The following SLX9 variants were observed in gnomAD, a reference collection of about 807,000 sequenced individuals.
The protein encoded by SLX9 is ribosome biogenesis protein SLX9 homolog.
In SLX9, 19 loss-of-function variants were observed where a neutral mutation model predicts 20.8. The observed-to-expected ratio is 0.91, with a 90% CI of 0.64 to 1.34. The LOEUF is 1.34. Ranked by LOEUF, SLX9 falls within the 40% of genes most tolerant of loss-of-function variation. The probability of loss-of-function intolerance (pLI) is 0.00; values close to 1 mark genes in which losing one functional copy is unlikely to be tolerated. For missense variants in SLX9, 299 were observed against 322.2 expected, an observed-to-expected ratio of 0.93 and a Z score of 0.55; for synonymous variants, 113 against 137.1, an observed-to-expected ratio of 0.82 and a Z score of 1.23.
At chr21:44,971,523 T>G (rs1157325932) in intron 4 of SLX9, among the ~76,000 whole-genome samples, 1 of 152,108 alleles carries the variant, frequency 6.6e-6, no homozygotes, top group Non-Finnish European at 1.5e-5. Flanking sequence ...CTCCTCTGCT[T>G]TGGGACCTTG....
chr21:44,940,656 A>C (rs1156231766), intron 1 of SLX9, among the ~76,000 whole-genome samples: 3 of 144,922 alleles, frequency 2.1e-5, no homozygotes, highest in African/African-American at 7.9e-5. Flanking sequence ...ATGTGAGTGG[A>C]ATTATTGCTT....
chr21:44,973,696 G>T (rs1239462512), intron 5 of SLX9, among the ~76,000 whole-genome samples: 1 of 149,396 alleles, frequency 6.7e-6, no homozygotes, highest in Admixed American at 6.6e-5. Flanking sequence ...GCTCCTGTGT[G>T]CCCCCACCCC....
At chr21:44,971,732 G>T (rs1462671184) in intron 4 of SLX9, among the ~76,000 whole-genome samples, 1 of 152,194 alleles carries the variant, frequency 6.6e-6, no homozygotes, top group Non-Finnish European at 1.5e-5. Context: ...TGCAAGGATG[G>T]GGACCGGGGA....
intron 3 of SLX9, 77 bp from the exon 4 acceptor site, chr21:44,966,957 C>CT: frequency 1.3e-6 from 2 of 1,542,840 alleles, no homozygotes; most frequent in Non-Finnish European, 1.8e-6. Context: ...TGCCAGGTCT[C>CT]TCGTGGGCCA....
intron 2 of SLX9, 149 bp downstream of exon 2, chr21:44,943,986 T>C: frequency 8.8e-7 from 1 of 1,138,566 alleles, no homozygotes; most frequent in Non-Finnish European, 1.2e-6. Flanking sequence ...CTTGGGGCGA[T>C]TCCCCAGAGT....
chr21:44,963,570 A>G (rs1278249543), intron 3 of SLX9, among the ~76,000 whole-genome samples: 1 of 150,290 alleles, frequency 6.7e-6, no homozygotes, highest in African/African-American at 2.4e-5. Flanking sequence ...TTTTTTTTCT[A>G]TCTTGAATTG....
chr21:44,971,809 A>AG (rs1173898250), intron 4 of SLX9, among the ~76,000 whole-genome samples: 6 of 151,936 alleles, frequency 3.9e-5, no homozygotes, highest in Non-Finnish European at 5.9e-5. Context: ...TCGGCTGGCC[A>AG]GGGGGGCAGA....
intron 3 of SLX9, among the ~76,000 whole-genome samples, chr21:44,963,876 G>A (rs886852056): frequency 6.6e-6 from 1 of 152,164 alleles, no homozygotes; most frequent in African/African-American, 2.4e-5. Context: ...TCTTGAGGTT[G>A]TTTTGGATAT....
At position 44,973,263 on chromosome 21, in the gene SLX9, T is replaced by G; in HGVS notation, c.567T>G (p.Leu189=). Reference sequence around the variant, plus strand: ...TGAGCGCAGCCCAGAGACAGCAGCTTCTGTGAGTGCACCTGCCCACCTCCT... The same window carrying G: ...TGAGCGCAGCCCAGAGACAGCAGCTGCTGTGAGTGCACCTGCCCACCTCCT... ...SRMSAAQRQQ[L]LEEERTRFQE... The change falls in exon 5 of 6, where the codon CTT becomes CTG. Residue 189 remains leucine, a splice_region_variant and synonymous_variant. Transcript: ENST00000291634. The G allele has an allele frequency of 6.2e-7, 1 of 1,612,080 alleles. No homozygotes were observed. The highest frequency in any genetic ancestry group is 8.5e-7 in the Non-Finnish European group (1 of 1,179,700).
chr21:44,969,661 C>G lies in SLX9; in HGVS notation c.500+2480C>G, dbSNP rs115390671. ...CAAGAGCTCCATGCAGCTCCCCCGTCCCCGCATGCTGTTGCTCTGACATGA... is the reference window on the plus strand; with the variant it reads ...CAAGAGCTCCATGCAGCTCCCCCGTGCCCGCATGCTGTTGCTCTGACATGA... On this transcript the variant is annotated intron_variant, in intron 4 of 5. Coordinates refer to ENST00000291634, the MANE Select transcript of SLX9 (RefSeq NM_058190.4). Among the ~76,000 whole-genome samples the G allele has an allele frequency of 7.9e-3, 1,211 of 152,336 alleles. 21 individuals are homozygous for G. Among genetic ancestry groups the G allele is most frequent in the African/African-American group, 0.028 (1,157 of 41,560 alleles).
In SLX9 at chr21:44,950,645, G is replaced by A. The variant is rs187424133; in HGVS notation, c.283+6808G>A. 6.8e-4 allele frequency among the ~76,000 whole-genome samples: 103 copies of A among 152,364 alleles called. 2 individuals carry two copies. The East Asian group carries it at 0.018, about 26-fold the overall frequency. ...GGCCTATGCCAGTCCGGCTGGGAGC[G>A]TGGCCCTGTTGGTGGCGCTTCTCAG... is the stretch of plus-strand genomic sequence containing the variant. On this transcript the variant is annotated intron_variant, in intron 2 of 5. Coordinates refer to ENST00000291634, the MANE Select transcript of SLX9 (RefSeq NM_058190.4).
chr21:44,972,134 T>C (rs1376350331), intron 4 of SLX9, among the ~76,000 whole-genome samples: 2 of 152,116 alleles, frequency 1.3e-5, no homozygotes, highest in Non-Finnish European at 2.9e-5. Flanking sequence ...AGTGTAGGGC[T>C]GGTCTGAGGA....
At chr21:44,948,084 T>G (rs1189112461) in intron 2 of SLX9, among the ~76,000 whole-genome samples, 1 of 152,222 alleles carries the variant, frequency 6.6e-6, no homozygotes, top group Non-Finnish European at 1.5e-5. Context: ...GCCGGCCGGG[T>G]GTCCAGTGGT....
intron 3 of SLX9, among the ~76,000 whole-genome samples, chr21:44,965,102 CTA>C (rs1241827546): frequency 6.6e-6 from 1 of 152,214 alleles, no homozygotes; most frequent in Non-Finnish European, 1.5e-5. Flanking sequence ...AATGTTTTTA[CTA>C]TTCTTATGCA....
chr21:44,973,113 A>G, intron 4 of SLX9, 84 bp from the exon 5 acceptor site: 1 of 1,501,154 alleles, frequency 6.7e-7, no homozygotes, highest in Non-Finnish European at 9.2e-7. Flanking sequence ...GTCTGCTCTA[A>G]GAAGGGAGGA....
intron 3 of SLX9, 97 bp from the exon 4 acceptor site, chr21:44,966,937 C>T (rs1367191152): frequency 6.8e-7 from 1 of 1,480,960 alleles, no homozygotes; most frequent in Admixed American, 2.0e-5. Context: ...GGCAGCAGGG[C>T]CGGGCACCCT....
intron 2 of SLX9, among the ~76,000 whole-genome samples, chr21:44,957,623 C>G (rs2146644236): frequency 6.6e-6 from 1 of 152,384 alleles, no homozygotes; most frequent in Non-Finnish European, 1.5e-5. Context: ...GGCTTGTTCA[C>G]TGCCAGTAGC....
At chr21:44,941,982 G>C (rs2084558925) in intron 1 of SLX9, among the ~76,000 whole-genome samples, 1 of 152,246 alleles carries the variant, frequency 6.6e-6, no homozygotes, top group Non-Finnish European at 1.5e-5. Context: ...CAGGACACCA[G>C]AGATGGGGCA....
chr21:44,947,347 G>A (rs901794512), intron 2 of SLX9, among the ~76,000 whole-genome samples: 1 of 152,328 alleles, frequency 6.6e-6, no homozygotes, highest in Admixed American at 6.5e-5. Context: ...CATCGTCCGT[G>A]CCCTGCCTGA....
Sources: allele counts gnomAD v4.1 joint callset (sites outside exome capture counted in the v4.1 genomes callset), GRCh38; gene constraint gnomAD v4.1.1; transcripts MANE v1.5; gene names NCBI Gene and HGNC (gene_info 2026-07-23, HGNC 2026-07-21).